The following LRRC1 variants were observed in gnomAD, a reference collection of about 807,000 sequenced individuals.
LRRC1 encodes leucine-rich repeat-containing protein 1.
In LRRC1, 28 loss-of-function variants were observed where a neutral mutation model predicts 69.9. That is an observed-to-expected ratio of 0.40 (90% CI 0.30 to 0.55). LRRC1 has a LOEUF of 0.55. LRRC1 is among the 20% of genes least tolerant of loss of function. The pLI, the probability that LRRC1 is intolerant of heterozygous loss-of-function variation, is 0.47. For missense variants in LRRC1, 498 were observed against 609.0 expected, an observed-to-expected ratio of 0.82 and a Z score of 1.92; for synonymous variants, 236 against 240.2, an observed-to-expected ratio of 0.98 and a Z score of 0.16.
intron 4 of LRRC1, among the ~76,000 whole-genome samples, chr6:53,896,242 A>T (rs1767867918): frequency 6.6e-6 from 1 of 152,232 alleles, no homozygotes; most frequent in Non-Finnish European, 1.5e-5. Flanking sequence ...AGGTATTTGA[A>T]TGAAGGTGCT....
At chr6:53,911,463 A>G (rs990311050) in intron 10 of LRRC1, among the ~76,000 whole-genome samples, 1 of 152,250 alleles carries the variant, frequency 6.6e-6, no homozygotes, top group Non-Finnish European at 1.5e-5. Flanking sequence ...GATGCCCAGA[A>G]TTAAAATGCA....
intron 2 of LRRC1, among the ~76,000 whole-genome samples, chr6:53,848,901 G>A (rs994466864): frequency 6.6e-6 from 1 of 152,048 alleles, no homozygotes; most frequent in Non-Finnish European, 1.5e-5. Flanking sequence ...GAGATTACAG[G>A]CGTGTGCCAC....
chr6:53,881,754 A>T (rs1292780687), intron 3 of LRRC1, among the ~76,000 whole-genome samples: 1 of 152,206 alleles, frequency 6.6e-6, no homozygotes, highest in Non-Finnish European at 1.5e-5. Flanking sequence ...AGTGAAAAAA[A>T]GTGATACTTA....
intron 1 of LRRC1, among the ~76,000 whole-genome samples, chr6:53,839,911 C>A (rs1236963060): frequency 1.3e-5 from 2 of 152,176 alleles, no homozygotes; most frequent in Non-Finnish European, 2.9e-5. Flanking sequence ...TTTGATACTT[C>A]CAAACATGTC....
At chr6:53,882,183 C>T (rs982289863) in intron 3 of LRRC1, among the ~76,000 whole-genome samples, 2 of 152,034 alleles carry the variant, frequency 1.3e-5, no homozygotes, top group Non-Finnish European at 2.9e-5. Flanking sequence ...CCCGTCTCTA[C>T]TTAAAAATAC....
chr6:53,818,051 G>A (rs1439020398), intron 1 of LRRC1, among the ~76,000 whole-genome samples: 2 of 152,212 alleles, frequency 1.3e-5, no homozygotes, highest in African/African-American at 2.4e-5. Flanking sequence ...AAAGGTGCAC[G>A]TACAATGAAA....
At chr6:53,905,055 G>T (rs1438546024) in intron 10 of LRRC1, 1 of 152,306 alleles carries the variant, frequency 6.6e-6, no homozygotes, top group African/African-American at 2.4e-5. Context: ...CTGTTGTGGA[G>T]AGTAGCTGTA....
intron 1 of LRRC1, among the ~76,000 whole-genome samples, chr6:53,824,228 A>G (rs1031695304): frequency 1.3e-5 from 2 of 149,500 alleles, no homozygotes; most frequent in African/African-American, 4.9e-5. Flanking sequence ...TTTAATTTGC[A>G]TTTCTCTAAT....
At position 53,882,923 on chromosome 6, in the gene LRRC1, A is replaced by G. The variant is rs201576093; in HGVS notation, c.393A>G (p.Thr131=). ...GCTTTCCTGAATTACAGAATTTAAC[A>G]TGTCTTTCTGTAAATGACATCTCAC... ...PESFPELQNL[T]CLSVNDISLQ... The change falls in exon 4 of 14, where the codon ACA becomes ACG. Residue 131 remains threonine (T), a synonymous_variant. Transcript: ENST00000370888. 6.2e-7 allele frequency: 1 copy of G among 1,608,144 alleles called. No individual in the cohort carries two copies. The highest frequency in any genetic ancestry group is 2.2e-5 in the East Asian group (1 of 44,752).
intron 10 of LRRC1, 169 bp downstream of exon 10, chr6:53,904,631 G>T: frequency 2.3e-6 from 1 of 436,462 alleles, no homozygotes; most frequent in Non-Finnish European, 4.1e-6. Flanking sequence ...GTCAAAGAAT[G>T]ATCATCAGTA....
At chr6:53,831,977 C>T (rs1039257239) in intron 1 of LRRC1, among the ~76,000 whole-genome samples, 2 of 152,124 alleles carry the variant, frequency 1.3e-5, no homozygotes, top group East Asian at 3.8e-4. Context: ...TTTCTTTGCT[C>T]GGCCTGTCAC....
intron 11 of LRRC1, among the ~76,000 whole-genome samples, chr6:53,917,070 A>C (rs1344396260): frequency 6.6e-6 from 1 of 152,218 alleles, no homozygotes; most frequent in Non-Finnish European, 1.5e-5. Flanking sequence ...AAGGTACCAG[A>C]ATAAACCAAA....
chr6:53,826,311 C>G (rs907948511), intron 1 of LRRC1, among the ~76,000 whole-genome samples: 1 of 151,548 alleles, frequency 6.6e-6, no homozygotes, highest in South Asian at 2.1e-4. Context: ...CAACCTAGAG[C>G]CTAATTTTGG....
Position 53,900,020 on chromosome 6 carries a change from GTTTT to G in LRRC1, c.787+159_787+162del, listed in dbSNP as rs869246243. 2.6e-3 allele frequency: 502 copies of G among 190,250 alleles called. 6 individuals carry two copies. The highest frequency in any genetic ancestry group is 4.9e-3 in the Middle Eastern group (3 of 614). The allele number at this position is 190,250 out of a possible 1,614,324, so 11.8% of individuals were successfully genotyped here. A position where few individuals can be genotyped will look rare whatever the true frequency, so the allele number is the denominator to read the frequency against. On this transcript the variant is annotated intron_variant, in intron 8 of 13. Coordinates refer to ENST00000370888, the MANE Select transcript of LRRC1 (RefSeq NM_018214.5). ...TGTGGCTCCTTAAAGTCTCCTTACT[GTTTT>G]TTTTTTTTTTTTTTTTTTTTTTTTT...
chr6:53,913,880 G>A lies in LRRC1; in HGVS notation c.1017G>A (p.Val339=), dbSNP rs762364896. The A allele has an allele frequency of 1.2e-6, 2 of 1,610,408 alleles. No individual in the cohort carries two copies. Among genetic ancestry groups the A allele is most frequent in the Admixed American group, 1.7e-5 (1 of 59,960 alleles). ...KEIGGCCSLT[V]FCVRDNRLTR... Reference sequence around the variant, plus strand: ...TCGGCGGGTGCTGCAGCCTCACTGTGTTCTGTGTACGTGACAACAGACTAA... The same window carrying A: ...TCGGCGGGTGCTGCAGCCTCACTGTATTCTGTGTACGTGACAACAGACTAA... The change falls in exon 11 of 14, where the codon GTG becomes GTA. Residue 339 remains valine, a synonymous_variant. Transcript: ENST00000370888.
intron 11 of LRRC1, among the ~76,000 whole-genome samples, chr6:53,916,597 G>C (rs1245114003): frequency 2.0e-5 from 3 of 152,078 alleles, no homozygotes; most frequent in Admixed American, 2.0e-4. Flanking sequence ...TGAGACTTGA[G>C]GGTACAGGGA....
intron 2 of LRRC1, among the ~76,000 whole-genome samples, 197 bp downstream of exon 2, chr6:53,842,424 A>G (rs535997333): frequency 9.2e-5 from 14 of 152,324 alleles, no homozygotes; most frequent in African/African-American, 3.4e-4. Context: ...TTTCCCTGAT[A>G]GTTATGGGAA....
chr6:53,827,673 A>T (rs758853294), intron 1 of LRRC1, among the ~76,000 whole-genome samples: 27 of 152,130 alleles, frequency 1.8e-4, no homozygotes, highest in Non-Finnish European at 3.7e-4. Flanking sequence ...TGGGAAATGG[A>T]GTCAGAAAGG....
In LRRC1 at chr6:53,854,990, C is replaced by T. The variant is rs1295903810; in HGVS notation, c.277+12763C>T. 4.6e-5 allele frequency among the ~76,000 whole-genome samples: 6 copies of T among 129,086 alleles called. No homozygotes were observed. The Admixed American group carries it at 5.3e-4, about 11-fold the overall frequency. 84.7% of individuals were successfully genotyped at this position (129,086 alleles called of 152,430 possible). A position where few individuals can be genotyped will look rare whatever the true frequency, so the allele number is the denominator to read the frequency against. On this transcript the variant is annotated intron_variant, in intron 2 of 13. Coordinates refer to ENST00000370888, the MANE Select transcript of LRRC1 (RefSeq NM_018214.5). ...GTAAGGTTGATGTGTGGTAGATAAT[C>T]GACAAGACAGGGGGATTTCCAGAAG...
Sources: allele counts gnomAD v4.1 joint callset (sites outside exome capture counted in the v4.1 genomes callset), GRCh38; gene constraint gnomAD v4.1.1; transcripts MANE v1.5; gene names NCBI Gene and HGNC (gene_info 2026-07-23, HGNC 2026-07-21).